The following CDH4 variants were observed in gnomAD, a reference collection of about 807,000 sequenced individuals.
CDH4 encodes cadherin-4.
A neutral mutation model predicts 86.0 loss-of-function variants in CDH4; 33 were observed. That is an observed-to-expected ratio of 0.38 (90% CI 0.29 to 0.51). The LOEUF (loss-of-function observed/expected upper bound fraction) is 0.51. Ranked by LOEUF, CDH4 falls within the 20% of genes least tolerant of loss-of-function variation. The pLI is 0.86. For missense variants in CDH4, 1,114 were observed against 1,307.4 expected, an observed-to-expected ratio of 0.85 and a Z score of 2.28; for synonymous variants, 555 against 549.4, an observed-to-expected ratio of 1.01 and a Z score of -0.14.
chr20:61,423,164 C>T (rs1418987093), intron 2 of CDH4, among the ~76,000 whole-genome samples: 6 of 152,118 alleles, frequency 3.9e-5, no homozygotes, highest in Non-Finnish European at 7.4e-5. Flanking sequence ...GAAGCAAGGA[C>T]CCCCAGACCC....
At position 61,546,341 on chromosome 20, in the gene CDH4, ATGCG is replaced by A. The variant is rs1480781200; in HGVS notation, c.170-197219_170-197216del. Among the ~76,000 whole-genome samples the A allele has an allele frequency of 3.4e-5, 5 of 149,036 alleles. No individual in the cohort carries two copies. The East Asian group carries it at 1.0e-3, about 30-fold the overall frequency. ...AGAGGTGTGTGTGTGAGGTGTGTATATGCGTGTGTGTGGTATGCATGTGGGTGTA... is the reference window on the plus strand; with the variant it reads ...AGAGGTGTGTGTGTGAGGTGTGTATATGTGTGTGGTATGCATGTGGGTGTA... On this transcript the variant is annotated intron_variant, in intron 2 of 15. Coordinates refer to ENST00000614565, the MANE Select transcript of CDH4 (RefSeq NM_001794.5).
intron 2 of CDH4, among the ~76,000 whole-genome samples, chr20:61,682,417 T>A (rs533220919): frequency 1.7e-4 from 16 of 96,928 alleles, no homozygotes; most frequent in African/African-American, 6.2e-4. Flanking sequence ...GAGGGACAGA[T>A]GGAAGGATGG....
intron 2 of CDH4, among the ~76,000 whole-genome samples, chr20:61,729,267 C>T (rs1243238595): frequency 6.6e-6 from 1 of 152,194 alleles, no homozygotes; most frequent in Non-Finnish European, 1.5e-5. Context: ...TCGCCCACAT[C>T]AAGAGCCACT....
At position 61,895,061 on chromosome 20, in the gene CDH4, A is replaced by G. The variant is rs369263785; in HGVS notation, c.1188+14A>G. On this transcript the variant is annotated intron_variant, in intron 8 of 15. Transcript: ENST00000614565. ...ACCGCCAGCACGGTGAGTCCCTCGA[A>G]GCTGCCCAGTGACGCATGGCCCGTG... is the stretch of plus-strand genomic sequence containing the variant. 1,424 of 1,612,642 alleles carry G rather than the reference A, an allele frequency of 8.8e-4. No individual in the cohort carries two copies. The highest frequency in any genetic ancestry group is 1.1e-3 in the Non-Finnish European group (1,307 of 1,179,480).
At chr20:61,666,965 C>G (rs1219130842) in intron 2 of CDH4, among the ~76,000 whole-genome samples, 4 of 152,250 alleles carry the variant, frequency 2.6e-5, no homozygotes, top group Non-Finnish European at 4.4e-5. Flanking sequence ...CACCCGCACA[C>G]CCGGTCAGTC....
At chr20:61,724,934 G>A (rs559021116) in intron 2 of CDH4, among the ~76,000 whole-genome samples, 1 of 152,162 alleles carries the variant, frequency 6.6e-6, no homozygotes, top group Admixed American at 6.5e-5. Context: ...AACATAGCAT[G>A]GCCCCATCTC....
chr20:61,677,490 G>A (rs994735479), intron 2 of CDH4, among the ~76,000 whole-genome samples: 3 of 152,138 alleles, frequency 2.0e-5, no homozygotes, highest in Admixed American at 6.5e-5. Context: ...TAGACCTGAC[G>A]ATAATACAAC....
Position 61,347,300 on chromosome 20 carries a change from T to G in CDH4, c.169+92363T>G, listed in dbSNP as rs1230607463. 2.6e-5 allele frequency among the ~76,000 whole-genome samples: 4 copies of G among 152,226 alleles called. No individual in the cohort carries two copies. The East Asian group carries it at 7.7e-4, about 29-fold the overall frequency. On this transcript the variant is annotated intron_variant, in intron 2 of 15. Coordinates refer to ENST00000614565, the MANE Select transcript of CDH4 (RefSeq NM_001794.5). ...ACATTTTACTAGTGGCGGCTGAGTC[T>G]GCGTGATGGCCAACGTGGTTTTAGA...
chr20:61,869,051 T>G (rs1484892969), intron 6 of CDH4, among the ~76,000 whole-genome samples: 3 of 152,272 alleles, frequency 2.0e-5, no homozygotes, highest in Non-Finnish European at 2.9e-5. Flanking sequence ...CTCAACTTAT[T>G]GAATGAAGGA....
At chr20:61,672,408 C>T (rs2087400464) in intron 2 of CDH4, among the ~76,000 whole-genome samples, 1 of 152,118 alleles carries the variant, frequency 6.6e-6, no homozygotes, top group Non-Finnish European at 1.5e-5. Context: ...ACGAATTATG[C>T]AAAGCCCAGT....
chr20:61,376,392 G>A (rs78064403), intron 2 of CDH4, among the ~76,000 whole-genome samples: 9,192 of 152,146 alleles, frequency 0.06, 911 homozygotes, highest in African/African-American at 0.2. Context: ...CATCTTCTTG[G>A]AGAAAGCCAG....
At chr20:61,371,160 G>T (rs1183220125) in intron 2 of CDH4, among the ~76,000 whole-genome samples, 2 of 152,230 alleles carry the variant, frequency 1.3e-5, no homozygotes, top group African/African-American at 4.8e-5. Context: ...TCGGAGCCCT[G>T]CAGAAGGCTC....
chr20:61,589,403 A>G (rs1372447168), intron 2 of CDH4, among the ~76,000 whole-genome samples: 1 of 152,176 alleles, frequency 6.6e-6, no homozygotes, highest in African/African-American at 2.4e-5. Flanking sequence ...TGAAAGGGTA[A>G]TGATCGAGCT....
intron 3 of CDH4, among the ~76,000 whole-genome samples, chr20:61,745,577 A>G (rs947346863): frequency 4.6e-5 from 7 of 151,960 alleles, no homozygotes; most frequent in Non-Finnish European, 1.0e-4. Context: ...CATGAGCCCC[A>G]CCTGTGAGTC....
intron 2 of CDH4, among the ~76,000 whole-genome samples, chr20:61,722,258 G>C (rs2088051069): frequency 6.6e-6 from 1 of 152,166 alleles, no homozygotes; most frequent in African/African-American, 2.4e-5. Flanking sequence ...GGAAAGTCAG[G>C]ACTATCTCTC....
chr20:61,372,646 A>G (rs1398711328), intron 2 of CDH4, among the ~76,000 whole-genome samples: 2 of 152,124 alleles, frequency 1.3e-5, no homozygotes, highest in Non-Finnish European at 2.9e-5. Context: ...GCATGGCTCC[A>G]GTTCTCGGTT....
rs558987943 is a variant in CDH4 at position 61,504,860 on chromosome 20, C to T, written c.170-238703C>T. 4.6e-5 allele frequency among the ~76,000 whole-genome samples: 7 copies of T among 152,330 alleles called. 1 individual carries two copies. Among genetic ancestry groups the T allele is most frequent in the Middle Eastern group, 3.4e-3 (1 of 294 alleles). On this transcript the variant is annotated intron_variant, in intron 2 of 15. Coordinates refer to ENST00000614565, the MANE Select transcript of CDH4 (RefSeq NM_001794.5). ...CACGCTCCGCTTCCATACCCGTACA[C>T]GCGTCCTCATCACCTTCACCGTTTC...
intron 9 of CDH4, among the ~76,000 whole-genome samples, chr20:61,918,860 A>G (rs2054935376): frequency 6.6e-6 from 1 of 152,044 alleles, no homozygotes; most frequent in African/African-American, 2.4e-5. Context: ...TGCCCATCCA[A>G]TACTATTATT....
intron 2 of CDH4, among the ~76,000 whole-genome samples, chr20:61,357,727 C>T (rs1215352412): frequency 1.3e-5 from 2 of 152,186 alleles, no homozygotes; most frequent in East Asian, 1.9e-4. Flanking sequence ...AATGCAAAAT[C>T]CCCTATTTTC....
Sources: allele counts gnomAD v4.1 joint callset (sites outside exome capture counted in the v4.1 genomes callset), GRCh38; gene constraint gnomAD v4.1.1; transcripts MANE v1.5; gene names NCBI Gene and HGNC (gene_info 2026-07-23, HGNC 2026-07-21).